The following MYO1D variants were observed in gnomAD, a reference collection of about 807,000 sequenced individuals.
MYO1D encodes the protein unconventional myosin-Id.
Under a neutral mutation model 122.0 loss-of-function variants are expected in MYO1D, and 83 were observed. The observed-to-expected ratio is 0.68, with a 90% confidence interval of 0.57 to 0.82. The LOEUF (loss-of-function observed/expected upper bound fraction) is 0.82, where lower values mean the gene tolerates loss of function less well. MYO1D is among the 40% of genes least tolerant of loss of function. The pLI is 0.00. For synonymous variants in MYO1D, 464 were observed against 446.9 expected (o/e 1.04, Z -0.48); for missense variants, 1,157 against 1,269.5 (o/e 0.91, Z 1.35).
intron 16 of MYO1D, among the ~76,000 whole-genome samples, chr17:32,681,197 A>C (rs897307376): frequency 2.5e-4 from 38 of 151,988 alleles, no homozygotes; most frequent in African/African-American, 8.7e-4. Context: ...CTTTTCAAAA[A>C]ACCAGCTCCT....
rs750490003 is a variant in MYO1D at position 32,738,329 on chromosome 17, A to C, written c.1670T>G (p.Val557Gly). The part of the protein sequence containing the change: ...WPEGKLSITE[V>G]TKRPLTAATL... ...AGCAGCAGTCAGAGGTCGCTTGGTC[A>C]CCTCTGTAATGCTCAGTTTGCCTTC... The change falls in exon 14 of 22, where the codon GTG becomes GGG. Residue 557 changes from valine to glycine, a missense_variant. Physicochemically the swap from Val to Gly is moderately radical, Grantham distance 109 (BLOSUM62 -3). Transcript: ENST00000318217. 52 of 1,609,770 alleles carry C rather than the reference A, an allele frequency of 3.2e-5. No homozygotes were observed. Among genetic ancestry groups the C allele is most frequent in the Non-Finnish European group, 4.2e-5 (49 of 1,178,154 alleles).
chr17:32,704,186 AAC>A (rs1207534476), intron 16 of MYO1D, among the ~76,000 whole-genome samples: 1 of 152,222 alleles, frequency 6.6e-6, no homozygotes, highest in African/African-American at 2.4e-5. Flanking sequence ...TGATATAAGG[AAC>A]ACACACACAA....
intron 19 of MYO1D, among the ~76,000 whole-genome samples, chr17:32,648,413 T>A (rs79196535): frequency 0.012 from 1,777 of 152,330 alleles, 18 homozygotes; most frequent in Admixed American, 0.018. Context: ...CCTTTTGTTA[T>A]GATATTTATT....
intron 16 of MYO1D, among the ~76,000 whole-genome samples, chr17:32,685,970 A>C (rs1211721486): frequency 4.6e-5 from 7 of 152,220 alleles, no homozygotes; most frequent in Non-Finnish European, 1.0e-4. Context: ...GCAACAAATA[A>C]ATTCTGACTG....
intron 14 of MYO1D, among the ~76,000 whole-genome samples, chr17:32,733,344 T>G (rs2089662203): frequency 2.6e-5 from 4 of 152,220 alleles, no homozygotes; most frequent in Admixed American, 2.6e-4. Flanking sequence ...CTGGGGCAAT[T>G]ATAAGACCTG....
At chr17:32,499,863 T>C (rs969387211) in intron 21 of MYO1D, among the ~76,000 whole-genome samples, 1 of 151,588 alleles carries the variant, frequency 6.6e-6, no homozygotes, top group African/African-American at 2.4e-5. Context: ...CTTGGGAGAC[T>C]GAGGTGGAAG....
At chr17:32,631,436 A>G (rs983237679) in intron 20 of MYO1D, among the ~76,000 whole-genome samples, 2 of 152,224 alleles carry the variant, frequency 1.3e-5, no homozygotes, top group African/African-American at 4.8e-5. Context: ...GGCTGAGGCC[A>G]GGAGTTCCAG....
chr17:32,820,383 T>A (rs534227423), intron 1 of MYO1D, among the ~76,000 whole-genome samples: 58 of 152,198 alleles, frequency 3.8e-4, no homozygotes, highest in African/African-American at 1.3e-3. Flanking sequence ...TGTTGACAAA[T>A]GGATGGATAA....
At chr17:32,554,358 G>C (rs756274694) in intron 21 of MYO1D, among the ~76,000 whole-genome samples, 10 of 152,110 alleles carry the variant, frequency 6.6e-5, no homozygotes, top group Non-Finnish European at 1.2e-4. Flanking sequence ...GCAACACCTA[G>C]TTAATTGGTC....
At chr17:32,512,261 C>T (rs1909721415) in intron 21 of MYO1D, among the ~76,000 whole-genome samples, 1 of 151,662 alleles carries the variant, frequency 6.6e-6, no homozygotes, top group African/African-American at 2.4e-5. Flanking sequence ...GATGGCGCCA[C>T]TGCCTTCCAG....
chr17:32,673,389 C>T (rs575010908), intron 16 of MYO1D, among the ~76,000 whole-genome samples: 1 of 152,086 alleles, frequency 6.6e-6, no homozygotes, highest in South Asian at 2.1e-4. Context: ...CAGGCATGAG[C>T]CACTGTGCCC....
At chr17:32,586,404 A>T (rs141958130) in intron 21 of MYO1D, among the ~76,000 whole-genome samples, 41 of 152,290 alleles carry the variant, frequency 2.7e-4, no homozygotes, top group African/African-American at 9.1e-4. Context: ...TATGTGTGCA[A>T]ATGACATTTT....
At chr17:32,666,850 A>G (rs2150958154) in intron 16 of MYO1D, among the ~76,000 whole-genome samples, 1 of 152,366 alleles carries the variant, frequency 6.6e-6, no homozygotes, top group East Asian at 1.9e-4. Flanking sequence ...GAATTGTTCA[A>G]CATTTCAGCT....
intron 21 of MYO1D, among the ~76,000 whole-genome samples, chr17:32,535,514 A>G (rs1369033292): frequency 2.0e-5 from 3 of 152,170 alleles, no homozygotes; most frequent in African/African-American, 4.8e-5. Flanking sequence ...TTGGGAGGCC[A>G]AGGTGGACGG....
intron 19 of MYO1D, among the ~76,000 whole-genome samples, chr17:32,648,171 G>A (rs72815036): frequency 2.0e-5 from 3 of 152,134 alleles, no homozygotes; most frequent in Middle Eastern, 3.4e-3. Context: ...CCAAAATTGC[G>A]CCACAGCACC....
intron 1 of MYO1D, among the ~76,000 whole-genome samples, chr17:32,804,040 T>C (rs78381755): frequency 4.7e-4 from 72 of 152,342 alleles, no homozygotes; most frequent in African/African-American, 1.7e-3. Context: ...CATCCCTTGA[T>C]ACCAGCAGAG....
chr17:32,511,861 TA>T (rs1444284828), intron 21 of MYO1D, among the ~76,000 whole-genome samples: 4 of 152,186 alleles, frequency 2.6e-5, no homozygotes, highest in Non-Finnish European at 5.9e-5. Context: ...AGCTCACCAT[TA>T]TCAAGAAGCA....
chr17:32,667,127 T>G (rs368162062), intron 16 of MYO1D, among the ~76,000 whole-genome samples: 9 of 152,330 alleles, frequency 5.9e-5, no homozygotes, highest in African/African-American at 2.2e-4. Flanking sequence ...TTGAATGAAC[T>G]CTGAGCAAAT....
intron 21 of MYO1D, among the ~76,000 whole-genome samples, chr17:32,499,748 CA>C (rs1173176649): frequency 1.3e-5 from 2 of 151,822 alleles, no homozygotes. Flanking sequence ...TGCTTGAGCT[CA>C]GAGGTTCAAG....
Sources: gnomAD v4.1 joint callset for allele counts (sites outside exome capture counted in the v4.1 genomes callset) on GRCh38, gnomAD v4.1.1 for gene constraint, MANE v1.5 for transcripts, NCBI Gene and HGNC (gene_info 2026-07-23, HGNC 2026-07-21) for gene names.